GPATCH2: variants seen among roughly 807,000 people sequenced by gnomAD.
GPATCH2 encodes G patch domain-containing protein 2.
Under a neutral mutation model 58.0 loss-of-function variants are expected in GPATCH2, and 51 were observed. That is an observed-to-expected ratio of 0.88 (90% confidence interval 0.70 to 1.11). The LOEUF (loss-of-function observed/expected upper bound fraction) is 1.11, where lower values mean the gene tolerates loss of function less well. GPATCH2 is among the 50% of genes most tolerant of loss of function. GPATCH2 has a pLI of 0.00. For missense variants in GPATCH2, 625 were observed against 652.2 expected (o/e 0.96, Z 0.45); for synonymous variants, 222 against 218.5 (o/e 1.02, Z -0.14).
At chr1:217,449,114 A>C (rs1207570644) in intron 9 of GPATCH2, 135 bp downstream of exon 9, 1 of 639,444 alleles carries the variant, frequency 1.6e-6, no homozygotes, top group Non-Finnish European at 2.8e-6. Context: ...TACCACATGC[A>C]AATGATTTGT....
At chr1:217,586,906 A>G (rs988000444) in intron 5 of GPATCH2, among the ~76,000 whole-genome samples, 2 of 152,206 alleles carry the variant, frequency 1.3e-5, no homozygotes, top group African/African-American at 4.8e-5. Flanking sequence ...ATGGCCGCAT[A>G]CACTGTACTA....
intron 6 of GPATCH2, among the ~76,000 whole-genome samples, chr1:217,500,592 C>T (rs1662248224): frequency 1.3e-5 from 2 of 151,942 alleles, no homozygotes; most frequent in Non-Finnish European, 2.9e-5. Context: ...ACAAAAAATG[C>T]TTATTTTTGT....
chr1:217,475,249 G>T (rs1395715611), intron 8 of GPATCH2, among the ~76,000 whole-genome samples: 2 of 152,246 alleles, frequency 1.3e-5, no homozygotes, highest in South Asian at 2.1e-4. Context: ...GACCAGCCTG[G>T]CCAACATGGT....
Position 217,619,780 on chromosome 1 carries a change from C to A in GPATCH2, c.773+3G>T. ...TTTTATATTTAGAGAATATAAAAGT[C>A]ACCTTTCACTCATGAGCTCATCTGA... On this transcript the variant is annotated splice_donor_region_variant and intron_variant, in intron 2 of 9. Coordinates refer to ENST00000366935, the MANE Select transcript of GPATCH2 (RefSeq NM_018040.5). The A allele has an allele frequency of 7.5e-7, 1 of 1,337,474 alleles. No individual in the cohort carries two copies. The highest frequency in any genetic ancestry group is 1.0e-6 in the Non-Finnish European group (1 of 976,370). 82.9% of individuals were successfully genotyped at this position (1,337,474 alleles called of 1,614,324 possible).
intron 8 of GPATCH2, among the ~76,000 whole-genome samples, chr1:217,483,904 T>C (rs1448812948): frequency 6.6e-6 from 1 of 152,230 alleles, no homozygotes; most frequent in East Asian, 1.9e-4. Context: ...ATTGCAAATA[T>C]TTTTTCCAGG....
At chr1:217,529,573 C>T (rs562870213) in intron 5 of GPATCH2, among the ~76,000 whole-genome samples, 33 of 152,158 alleles carry the variant, frequency 2.2e-4, no homozygotes, top group Non-Finnish European at 1.5e-4. Flanking sequence ...GAAGACAGTG[C>T]GGTACCCTTG....
At chr1:217,466,752 AG>A (rs914739271) in intron 8 of GPATCH2, among the ~76,000 whole-genome samples, 1 of 152,200 alleles carries the variant, frequency 6.6e-6, no homozygotes, top group Non-Finnish European at 1.5e-5. Context: ...CCTTCTTCAA[AG>A]TCCAATGGTA....
intron 5 of GPATCH2, among the ~76,000 whole-genome samples, chr1:217,544,120 C>A (rs753391832): frequency 3.9e-5 from 6 of 152,144 alleles, no homozygotes; most frequent in Admixed American, 2.6e-4. Context: ...ATAACCTGGG[C>A]ACAGTGGCTC....
chr1:217,596,061 G>A (rs942171786), intron 5 of GPATCH2, among the ~76,000 whole-genome samples: 8 of 152,080 alleles, frequency 5.3e-5, no homozygotes, highest in Admixed American at 5.2e-4. Flanking sequence ...AAGAATAGGA[G>A]AGAAAACATT....
At chr1:217,601,515 T>G (rs1383543203) in intron 5 of GPATCH2, among the ~76,000 whole-genome samples, 1 of 152,094 alleles carries the variant, frequency 6.6e-6, no homozygotes, top group Admixed American at 6.6e-5. Context: ...CTATCCATAC[T>G]GACATTTAAA....
chr1:217,548,837 A>G (rs1411155187), intron 5 of GPATCH2, among the ~76,000 whole-genome samples: 1 of 152,082 alleles, frequency 6.6e-6, no homozygotes, highest in Non-Finnish European at 1.5e-5. Flanking sequence ...TTCCGCCATG[A>G]TTGTAAGTTT....
At chr1:217,590,242 G>C (rs1667529933) in intron 5 of GPATCH2, among the ~76,000 whole-genome samples, 1 of 151,910 alleles carries the variant, frequency 6.6e-6, no homozygotes, top group African/African-American at 2.4e-5. Flanking sequence ...GGCTGGTCTT[G>C]AACGCCTGAC....
chr1:217,431,539 A>C (rs1433926845), intron 9 of GPATCH2, among the ~76,000 whole-genome samples, 174 bp from the exon 10 acceptor site: 1 of 152,216 alleles, frequency 6.6e-6, no homozygotes, highest in Admixed American at 6.5e-5. Flanking sequence ...CAATGGAAGA[A>C]AGATCTTGTT....
At chr1:217,601,737 T>G (rs1345887103) in intron 5 of GPATCH2, among the ~76,000 whole-genome samples, 3 of 152,122 alleles carry the variant, frequency 2.0e-5, no homozygotes, top group Non-Finnish European at 4.4e-5. Context: ...AATCATATTC[T>G]CTCCAATCAA....
intron 5 of GPATCH2, among the ~76,000 whole-genome samples, chr1:217,555,187 G>A (rs569973087): frequency 2.6e-5 from 4 of 152,206 alleles, no homozygotes; most frequent in Admixed American, 6.5e-5. Context: ...AAAAACCAAC[G>A]TGAAAAGTAA....
chr1:217,509,554 A>G (rs1032798767), intron 6 of GPATCH2, among the ~76,000 whole-genome samples: 1 of 152,168 alleles, frequency 6.6e-6, no homozygotes, highest in African/African-American at 2.4e-5. Flanking sequence ...TCAAGTTCTC[A>G]TCTATAAAAA....
At chr1:217,445,839 C>T (rs1659364727) in intron 9 of GPATCH2, among the ~76,000 whole-genome samples, 1 of 152,034 alleles carries the variant, frequency 6.6e-6, no homozygotes, top group African/African-American at 2.4e-5. Flanking sequence ...TGCTTCAAAG[C>T]TATTGCTAAA....
At chr1:217,572,197 T>C (rs1182634018) in intron 5 of GPATCH2, among the ~76,000 whole-genome samples, 1 of 152,158 alleles carries the variant, frequency 6.6e-6, no homozygotes, top group East Asian at 1.9e-4. Flanking sequence ...TTAGAGAGGA[T>C]ACATTGATAG....
At chr1:217,620,937 G>A (rs189516040) in intron 1 of GPATCH2, among the ~76,000 whole-genome samples, 4 of 152,212 alleles carry the variant, frequency 2.6e-5, no homozygotes, top group East Asian at 3.9e-4. Context: ...TATTCACCAC[G>A]TGCCCTAACC....
Sources: gnomAD v4.1 joint callset for allele counts (sites outside exome capture counted in the v4.1 genomes callset) on GRCh38, gnomAD v4.1.1 for gene constraint, MANE v1.5 for transcripts, NCBI Gene and HGNC (gene_info 2026-07-23, HGNC 2026-07-21) for gene names.